The following ITGA4 variants were observed in gnomAD, a reference collection of about 807,000 sequenced individuals.
ITGA4 encodes the protein integrin alpha-4.
In ITGA4, 63 loss-of-function variants were observed where a neutral mutation model predicts 133.6. The observed-to-expected ratio is 0.47, with a 90% CI of 0.38 to 0.58. The LOEUF (loss-of-function observed/expected upper bound fraction) is 0.58. Among genes scored for constraint, ITGA4 ranks in the 20% least tolerant of loss-of-function variants. The pLI, the probability that ITGA4 is intolerant of heterozygous loss-of-function variation, is 0.00. For synonymous variants in ITGA4, 483 were observed against 438.0 expected (o/e 1.10, Z -1.28); for missense variants, 1,076 against 1,252.7 (o/e 0.86, Z 2.13).
rs201308408 is a variant in ITGA4 at position 181,511,806 on chromosome 2, T to C, written c.1922+31T>C. 5.9e-5 allele frequency: 64 copies of C among 1,078,430 alleles called. No homozygotes were observed. The Middle Eastern group carries it at 1.8e-3, about 31-fold the overall frequency. 66.8% of individuals were successfully genotyped at this position (1,078,430 alleles called of 1,614,324 possible). Reference sequence around the variant, plus strand: ...TATATGTGGTATATAGTCTCTGTTATTCATCGAGAGGGTGTAATGAGTGTG... The same window carrying C: ...TATATGTGGTATATAGTCTCTGTTACTCATCGAGAGGGTGTAATGAGTGTG... On this transcript the variant is annotated intron_variant, in intron 17 of 27. Coordinates refer to ENST00000397033, the MANE Select transcript of ITGA4 (RefSeq NM_000885.6).
In ITGA4 at chr2:181,535,558, C is replaced by T. The variant is rs1308067709; in HGVS notation, c.*31C>T. 1.0e-5 allele frequency: 16 copies of T among 1,571,348 alleles called. No homozygotes were observed. The highest frequency in any genetic ancestry group is 1.4e-5 in the African/African-American group (1 of 73,160). On this transcript the variant is annotated 3_prime_UTR_variant, in exon 28 of 28. Transcript: ENST00000397033. ...TCTTTCAAATTGAGAGAATGGAAAACAGACTCAGGTTGTAGTAAAGAAATT... is the reference window on the plus strand; with the variant it reads ...TCTTTCAAATTGAGAGAATGGAAAATAGACTCAGGTTGTAGTAAAGAAATT...
chr2:181,509,772 C>T lies in ITGA4; in HGVS notation c.1810C>T (p.Gln604Ter), dbSNP rs201414895. 6.2e-7 allele frequency: 1 copy of T among 1,610,172 alleles called. No homozygotes were observed. Among genetic ancestry groups the T allele is most frequent in the Admixed American group, 1.7e-5 (1 of 59,694 alleles). ...EEFPPLQPIL[Q>*]QKKEKDIMKK... ...ATTCCCACCACTTCAGCCAATTCTTCAGCAGAAGAAAGAAAAAGACATAAT... is the reference window on the plus strand; with the variant it reads ...ATTCCCACCACTTCAGCCAATTCTTTAGCAGAAGAAAGAAAAAGACATAAT... The change falls in exon 16 of 28, where the codon CAG (glutamine) becomes TAG (stop). Residue 604 changes from glutamine (Q) to a stop codon, truncating the protein, a stop_gained. Coordinates refer to ENST00000397033, the MANE Select transcript of ITGA4 (RefSeq NM_000885.6). LOFTEE classifies it high-confidence loss of function.
intron 10 of ITGA4, among the ~76,000 whole-genome samples, chr2:181,488,992 C>A (rs533543870): frequency 1.3e-5 from 2 of 152,318 alleles, no homozygotes; most frequent in African/African-American, 4.8e-5. Flanking sequence ...TTATTCCATT[C>A]CACCATGTCT....
intron 2 of ITGA4, among the ~76,000 whole-genome samples, chr2:181,467,419 G>A (rs155147): frequency 0.051 from 7,819 of 152,176 alleles, 345 homozygotes; most frequent in African/African-American, 0.11. Flanking sequence ...GATAAAGCAG[G>A]CATTTACTTG....
Position 181,480,255 on chromosome 2 carries a change from G to C in ITGA4, c.743G>C (p.Gly248Ala). ...GACAAACAAAATCAAGTAAAATTTG[G>C]AAGTTATTTAGGTACTATAAAAATT... ...FLDKQNQVKF[G>A]SYLGYSVGAG... Residue 248 changes from glycine (G) to alanine (A), a missense_variant, in exon 6 of 28, where the codon GGA becomes GCA. Gly to Ala is a moderately conservative substitution (Grantham distance 60). Transcript: ENST00000397033. The C allele has an allele frequency of 6.9e-7, 1 of 1,445,328 alleles. No homozygotes were observed. 89.5% of individuals were successfully genotyped at this position (1,445,328 alleles called of 1,614,324 possible).
intron 2 of ITGA4, among the ~76,000 whole-genome samples, chr2:181,464,911 T>C (rs1203673924): frequency 6.6e-6 from 1 of 152,098 alleles, no homozygotes; most frequent in Non-Finnish European, 1.5e-5. Context: ...CTCAGTGTGC[T>C]TGTTCTCATT....
At chr2:181,459,971 G>GA in intron 2 of ITGA4, among the ~76,000 whole-genome samples, 1 of 151,726 alleles carries the variant, frequency 6.6e-6, no homozygotes, top group East Asian at 1.9e-4. Flanking sequence ...TCAATGGAAG[G>GA]AAAAAATTGT....
intron 15 of ITGA4, among the ~76,000 whole-genome samples, chr2:181,499,255 G>A (rs1359943157): frequency 6.6e-6 from 1 of 152,134 alleles, no homozygotes; most frequent in Non-Finnish European, 1.5e-5. Context: ...AGTGATGTCA[G>A]TGGGAACTCA....
rs200580619 is a variant in ITGA4 at position 181,474,994 on chromosome 2, T to A, written c.354T>A (p.Cys118Ter). The A allele has an allele frequency of 6.2e-7, 1 of 1,614,040 alleles. No homozygotes were observed. The highest frequency in any genetic ancestry group is 8.5e-7 in the Non-Finnish European group (1 of 1,179,940). ...ATGGAGAACCTTGTGGAAAGACTTG[T>A]TTGGAAGAGAGAGACAATCAGTGGT... ...SPNGEPCGKT[C>*]LEERDNQWLG... is the part of the protein sequence containing the mutation. The change falls in exon 3 of 28, where the codon TGT (cysteine) becomes TGA (stop). Residue 118 changes from cysteine to a stop codon, truncating the protein, a stop_gained. Coordinates refer to ENST00000397033, the MANE Select transcript of ITGA4 (RefSeq NM_000885.6). LOFTEE classifies it high-confidence loss of function.
chr2:181,494,063 G>A (rs746009247), intron 11 of ITGA4, among the ~76,000 whole-genome samples: 1 of 152,124 alleles, frequency 6.6e-6, no homozygotes, highest in Non-Finnish European at 1.5e-5. Context: ...TAAAAGAAAT[G>A]TATTTGTCTA....
chr2:181,494,933 C>A, intron 12 of ITGA4, 121 bp downstream of exon 12: 1 of 620,714 alleles, frequency 1.6e-6, no homozygotes, highest in South Asian at 2.2e-5. Flanking sequence ...TTTTTTTCTT[C>A]ATTTTTAAAG....
At chr2:181,458,584 T>C (rs1685191654) in intron 2 of ITGA4, 1 of 442,548 alleles carries the variant, frequency 2.3e-6, no homozygotes, top group Non-Finnish European at 4.2e-6. Context: ...CTTCTCTTCA[T>C]CTCTCCCCGT....
chr2:181,457,749 G>A lies in ITGA4; in HGVS notation c.95G>A (p.Arg32His), dbSNP rs1259352312. ...CTGTGCCTGGGGGTCCCGACCGGCC[G>A]CCCCTACAACGTGGACACTGAGAGC... ...LLLCLGVPTG[R>H]PYNVDTESAL... is the part of the protein sequence containing the mutation. Residue 32 changes from arginine to histidine, a missense_variant, in exon 1 of 28, where the codon CGC (arginine) becomes CAC (histidine). This residue lies in a region of ITGA4 where 82 missense variants were observed against 68.3 expected (regional missense o/e 1.20). Transcript: ENST00000397033. 6.2e-7 allele frequency: 1 copy of A among 1,613,262 alleles called. No homozygotes were observed. The highest frequency in any genetic ancestry group is 1.7e-5 in the Admixed American group (1 of 59,984).
chr2:181,519,016 G>GT (rs1169157810), intron 17 of ITGA4, among the ~76,000 whole-genome samples: 2 of 151,910 alleles, frequency 1.3e-5, no homozygotes, highest in Admixed American at 1.3e-4. Flanking sequence ...AATTACGTGT[G>GT]TATGTTGACC....
In ITGA4 at chr2:181,457,686, C is replaced by T. The variant is rs1211499013; in HGVS notation, c.32C>T (p.Pro11Leu). 4 of 1,611,532 alleles carry T rather than the reference C, an allele frequency of 2.5e-6. No individual in the cohort carries two copies. The highest frequency in any genetic ancestry group is 1.8e-4 in the Middle Eastern group (1 of 5,680). The change falls in exon 1 of 28, where the codon CCC becomes CTC. Residue 11 changes from proline to leucine, a missense_variant. Physicochemically the swap from Pro to Leu is moderately conservative, Grantham distance 98. Transcript: ENST00000397033. The part of the protein sequence containing the change: MAWEARREPG[P>L]RRAAVRETVM... ...TGGGAAGCGAGGCGCGAACCCGGCC[C>T]CCGAAGGGCCGCCGTCCGGGAGACG...
In ITGA4 at chr2:181,524,218, A is replaced by G. The variant is rs1168862772; in HGVS notation, c.2217A>G (p.Glu739=). 6.2e-7 allele frequency: 1 copy of G among 1,601,700 alleles called. No individual in the cohort carries two copies. Among genetic ancestry groups the G allele is most frequent in the Non-Finnish European group, 8.5e-7 (1 of 1,173,488 alleles). Residue 739 remains glutamate (E), a synonymous_variant, in exon 20 of 28, where the codon GAA becomes GAG. Coordinates refer to ENST00000397033, the MANE Select transcript of ITGA4 (RefSeq NM_000885.6). ...LLDVSSLSRA[E]EDLSITVHAT... ...ATGTGAGCTCACTCAGCAGAGCGGAAGAGGACCTCAGTATCACAGTGCATG... is the reference window on the plus strand; with the variant it reads ...ATGTGAGCTCACTCAGCAGAGCGGAGGAGGACCTCAGTATCACAGTGCATG...
chr2:181,485,131 G>A (rs1341251379), intron 9 of ITGA4, among the ~76,000 whole-genome samples: 2 of 152,146 alleles, frequency 1.3e-5, no homozygotes, highest in Non-Finnish European at 1.5e-5. Context: ...CCAAAGGCCA[G>A]CTTCAATCAT....
chr2:181,530,516 C>G lies in ITGA4; in HGVS notation c.2539-8C>G. On this transcript the variant is annotated splice_region_variant and splice_polypyrimidine_tract_variant and intron_variant, in intron 23 of 27. Transcript: ENST00000397033. ...AGATAAGATTTCTCTTGCTTTCTGT[C>G]TTCATAGACTACTACTGGAGAATGC... The G allele has an allele frequency of 6.2e-7, 1 of 1,605,962 alleles. No individual in the cohort carries two copies. Among genetic ancestry groups the G allele is most frequent in the Non-Finnish European group, 8.5e-7 (1 of 1,174,586 alleles).
At chr2:181,531,803 T>C in intron 25 of ITGA4, 27 bp downstream of exon 25, 2 of 1,545,934 alleles carry the variant, frequency 1.3e-6, no homozygotes, top group South Asian at 2.5e-5. Flanking sequence ...CATTGACAAC[T>C]TGGTGGCTAA....
Sources: gnomAD v4.1 joint callset for allele counts (sites outside exome capture counted in the v4.1 genomes callset) on GRCh38, gnomAD v4.1.1 for gene constraint, gnomAD v4.1.1 regional missense constraint, MANE v1.5 for transcripts, NCBI Gene and HGNC (gene_info 2026-07-23, HGNC 2026-07-21) for gene names.